Variants in TFG observed in about 807,000 individuals in gnomAD.
TFG encodes the protein protein TFG.
Under a neutral mutation model 51.4 loss-of-function variants are expected in TFG, and 22 were observed. The observed-to-expected ratio is 0.43, with a 90% CI of 0.31 to 0.61. TFG has a LOEUF of 0.61. TFG is among the 20% of genes least tolerant of loss of function. The pLI, the probability that TFG is intolerant of heterozygous loss-of-function variation, is 0.12. For synonymous variants in TFG, 187 were observed against 165.6 expected (o/e 1.13, Z -0.99); for missense variants, 419 against 487.7 (o/e 0.86, Z 1.33).
chr3:100,736,602 C>A lies in TFG; in HGVS notation c.607C>A (p.Arg203Ser). The A allele has an allele frequency of 6.2e-7, 1 of 1,613,932 alleles. No individual in the cohort carries two copies. The highest frequency in any genetic ancestry group is 8.5e-7 in the Non-Finnish European group (1 of 1,179,954). The change falls in exon 6 of 8, where the codon CGT (arginine) becomes AGT (serine). Residue 203 changes from arginine to serine, a missense_variant. By Grantham distance (110) the Arg-to-Ser change is moderately radical. Transcript: ENST00000240851. ...GCCACCCAGTGCTCCTGCAGAAGAT[C>A]GTTCAGGAACACCCGACAGCATTGC... ...SGPPSAPAED[R>S]SGTPDSIASS...
intron 3 of TFG, among the ~76,000 whole-genome samples, chr3:100,725,886 T>C (rs1042589413): frequency 6.6e-6 from 1 of 152,184 alleles, no homozygotes; most frequent in African/African-American, 2.4e-5. Flanking sequence ...TAAAGTCTTA[T>C]GATTATATTC....
At chr3:100,717,295 C>T (rs2095048948) in intron 2 of TFG, among the ~76,000 whole-genome samples, 2 of 152,100 alleles carry the variant, frequency 1.3e-5, no homozygotes, top group Admixed American at 6.6e-5. Flanking sequence ...TGTGCCAGTC[C>T]ATGCTTATTA....
intron 2 of TFG, among the ~76,000 whole-genome samples, chr3:100,718,468 G>A (rs1263902044): frequency 6.6e-6 from 1 of 151,112 alleles, no homozygotes; most frequent in Non-Finnish European, 1.5e-5. Context: ...TTGTCCGTTG[G>A]TCACAGTTCA....
chr3:100,719,290 CT>C (rs1279586228), intron 2 of TFG, among the ~76,000 whole-genome samples: 3 of 152,168 alleles, frequency 2.0e-5, no homozygotes, highest in Non-Finnish European at 4.4e-5. Flanking sequence ...TCTCTGGCTG[CT>C]TTTCTGTTCT....
chr3:100,734,542 A>G (rs2149085160), intron 5 of TFG, among the ~76,000 whole-genome samples: 1 of 152,214 alleles, frequency 6.6e-6, no homozygotes, highest in South Asian at 2.1e-4. Context: ...ATTCTTATCC[A>G]TTCTAATTTT....
At chr3:100,745,430 A>G (rs1335744772) in intron 7 of TFG, among the ~76,000 whole-genome samples, 2 of 152,176 alleles carry the variant, frequency 1.3e-5, no homozygotes, top group East Asian at 3.8e-4. Context: ...TAGGCCATAA[A>G]AATAAAATCG....
At position 100,732,648 on chromosome 3, in the gene TFG, G is replaced by A. The variant is rs867024898; in HGVS notation, c.556G>A (p.Gly186Ser). 3 of 1,610,408 alleles carry A rather than the reference G, an allele frequency of 1.9e-6. No individual in the cohort carries two copies. The highest frequency in any genetic ancestry group is 2.7e-5 in the African/African-American group (2 of 74,670). Residue 186 changes from glycine to serine, a missense_variant, in exon 5 of 8, where the codon GGC becomes AGC. Physicochemically the swap from Gly to Ser is moderately conservative, Grantham distance 56. This residue lies in a region of TFG where 391 missense variants were observed against 434.4 expected (regional missense o/e 0.90). Transcript: ENST00000240851. ...EINKNVMSAF[G>S]LTDDQVSGPP... Reference sequence around the variant, plus strand: ...CAATAAAAATGTTATGTCAGCGTTTGGCTTAACAGATGATCAGGTTTCAGG... The same window carrying A: ...CAATAAAAATGTTATGTCAGCGTTTAGCTTAACAGATGATCAGGTTTCAGG...
At chr3:100,744,424 A>C (rs2293030) in intron 6 of TFG, 39,147 of 153,372 alleles carry the variant, frequency 0.26, 5,577 homozygotes, top group East Asian at 0.51. Context: ...GAGGGCAAAT[A>C]CAGTGCTTTA....
intron 5 of TFG, among the ~76,000 whole-genome samples, chr3:100,733,535 G>A (rs2095097495): frequency 6.6e-6 from 1 of 152,076 alleles, no homozygotes; most frequent in African/African-American, 2.4e-5. Flanking sequence ...ATATTTAGCT[G>A]CTTTAAAATG....
intron 6 of TFG, among the ~76,000 whole-genome samples, chr3:100,736,983 T>C (rs765480156): frequency 2.6e-4 from 39 of 152,230 alleles, no homozygotes; most frequent in Non-Finnish European, 7.3e-5. Flanking sequence ...TGGTGACCCT[T>C]GGAGGGGAGG....
chr3:100,748,654 C>T lies in TFG; in HGVS notation c.*123C>T. ...AAAAGCAGAGCATTTTTTATGATAT[C>T]ATTGTTGGTGTTAATTGAAAGTATA... On this transcript the variant is annotated 3_prime_UTR_variant, in exon 8 of 8. Transcript: ENST00000240851. 5 of 1,110,744 alleles carry T rather than the reference C, an allele frequency of 4.5e-6. No individual in the cohort carries two copies. The highest frequency in any genetic ancestry group is 6.2e-6 in the Non-Finnish European group (5 of 809,958). 68.8% of individuals were successfully genotyped at this position (1,110,744 alleles called of 1,614,324 possible). A position where few individuals can be genotyped will look rare whatever the true frequency, so the allele number is the denominator to read the frequency against.
At chr3:100,717,839 T>C (rs2095050468) in intron 2 of TFG, among the ~76,000 whole-genome samples, 1 of 143,552 alleles carries the variant, frequency 7.0e-6, no homozygotes, top group South Asian at 2.1e-4. Flanking sequence ...AGGGACAGTT[T>C]GCTTCCTTCC....
intron 1 of TFG, among the ~76,000 whole-genome samples, chr3:100,712,446 C>G (rs2095033784): frequency 6.6e-6 from 1 of 152,032 alleles, no homozygotes; most frequent in East Asian, 1.9e-4. Context: ...TAGAATGTGG[C>G]CAGTAGTAGT....
Position 100,726,223 on chromosome 3 carries a change from G to A in TFG, c.269-2489G>A, listed in dbSNP as rs549289210. Among the ~76,000 whole-genome samples the A allele has an allele frequency of 8.1e-4, 123 of 152,320 alleles. 1 individual carries two copies. Among genetic ancestry groups the A allele is most frequent in the African/African-American group, 2.7e-3 (114 of 41,558 alleles). On this transcript the variant is annotated intron_variant, in intron 3 of 7. Transcript: ENST00000240851. ...TGGAGTCTGATGTCCAAGGGCAGGA[G>A]GAGTGGAAGCAAGCATCTGGCATAG...
At position 100,736,678 on chromosome 3, in the gene TFG, C is replaced by T; in HGVS notation, c.683C>T (p.Pro228Leu). The stretch of plus-strand genomic sequence containing the variant: ...CCAGGCGTTCAGCCACAGCAGCCAC[C>T]ATATACAGGAGCTCAGACTCAAGCA... ...HPPGVQPQQP[P>L]YTGAQTQAGQ... Residue 228 changes from proline to leucine, a missense_variant, in exon 6 of 8, where the codon CCA becomes CTA. By Grantham distance (98) the Pro-to-Leu change is moderately conservative (BLOSUM62 -3). Coordinates refer to ENST00000240851, the MANE Select transcript of TFG (RefSeq NM_006070.6). The T allele has an allele frequency of 6.2e-7, 1 of 1,613,980 alleles. No individual in the cohort carries two copies.
intron 7 of TFG, among the ~76,000 whole-genome samples, 170 bp from the exon 8 acceptor site, chr3:100,747,979 A>T (rs940093493): frequency 2.0e-5 from 3 of 152,190 alleles, no homozygotes; most frequent in Non-Finnish European, 4.4e-5. Flanking sequence ...TGCCTCTTTG[A>T]TAACTACTTG....
intron 3 of TFG, among the ~76,000 whole-genome samples, chr3:100,721,925 C>T (rs1178076071): frequency 8.5e-5 from 13 of 152,200 alleles, no homozygotes; most frequent in African/African-American, 2.2e-4. Context: ...CCAAGGCGGG[C>T]GGATTGCCTG....
At chr3:100,747,027 T>C (rs2095136651) in intron 7 of TFG, among the ~76,000 whole-genome samples, 1 of 152,222 alleles carries the variant, frequency 6.6e-6, no homozygotes, top group Non-Finnish European at 1.5e-5. Context: ...AAGCTTGCTC[T>C]TAATAAATTT....
intron 3 of TFG, among the ~76,000 whole-genome samples, chr3:100,725,252 C>T (rs918268822): frequency 2.6e-5 from 4 of 152,020 alleles, no homozygotes; most frequent in African/African-American, 9.7e-5. Context: ...TTACGTAGAA[C>T]AACTGCTGTA....
Sources: gnomAD v4.1 joint callset for allele counts (sites outside exome capture counted in the v4.1 genomes callset) on GRCh38, gnomAD v4.1.1 for gene constraint, gnomAD v4.1.1 regional missense constraint, MANE v1.5 for transcripts, NCBI Gene and HGNC (gene_info 2026-07-23, HGNC 2026-07-21) for gene names.